Variants in CSMD1 observed in about 807,000 individuals in gnomAD.
The protein encoded by CSMD1 is CUB and Sushi multiple domains 1, also known as CUB and sushi domain-containing protein 1.
In CSMD1, 213 loss-of-function variants were observed where a neutral mutation model predicts 417.5. The observed-to-expected ratio is 0.51, with a 90% CI of 0.46 to 0.57. The LOEUF (loss-of-function observed/expected upper bound fraction) is 0.57. Ranked by LOEUF, CSMD1 falls within the 20% of genes least tolerant of loss-of-function variation. CSMD1 has a pLI of 0.00. For synonymous variants in CSMD1, 2,862 were observed against 1,736.8 expected (o/e 1.65, Z -16.11); for missense variants, 6,923 against 4,529.7 (o/e 1.53, Z -15.17).
At chr8:4,690,501 T>C (rs1324216644) in intron 1 of CSMD1, among the ~76,000 whole-genome samples, 2 of 152,334 alleles carry the variant, frequency 1.3e-5, no homozygotes, top group East Asian at 1.9e-4. Flanking sequence ...ATATAAATTA[T>C]GATATTTGAG....
At chr8:3,649,876 A>AT (rs1192044900) in intron 7 of CSMD1, among the ~76,000 whole-genome samples, 2 of 152,296 alleles carry the variant, frequency 1.3e-5, no homozygotes, top group East Asian at 1.9e-4. Context: ...CTATGTACAC[A>AT]TTTTTTTGAA....
At chr8:3,584,915 T>A (rs1800533096) in intron 9 of CSMD1, among the ~76,000 whole-genome samples, 1 of 152,022 alleles carries the variant, frequency 6.6e-6, no homozygotes, top group Admixed American at 6.5e-5. Context: ...TGCTTAAGGG[T>A]CTTATGTTAG....
rs1311717575 is a variant in CSMD1, at chr8:4,022,673, T to C, written c.610+9232A>G. Among the ~76,000 whole-genome samples the C allele has an allele frequency of 3.3e-5, 5 of 152,024 alleles. No individual in the cohort carries two copies. The South Asian group carries it at 8.3e-4, about 25-fold the overall frequency. On this transcript the variant is annotated intron_variant, in intron 4 of 69. Transcript: ENST00000635120. ...CGCTCAGGGAGAGAAATGTGGTAGA[T>C]TTGGGGGAAATGAAGGCAAGTGGGA...
intron 1 of CSMD1, among the ~76,000 whole-genome samples, chr8:4,883,442 T>G (rs941077224): frequency 6.6e-6 from 1 of 152,134 alleles, no homozygotes; most frequent in African/African-American, 2.4e-5. Flanking sequence ...TGAACATTTT[T>G]ATCATCCCAA....
chr8:3,417,202 G>C (rs1383154411), intron 12 of CSMD1, among the ~76,000 whole-genome samples: 1 of 152,140 alleles, frequency 6.6e-6, no homozygotes, highest in East Asian at 1.9e-4. Flanking sequence ...TCACAAAATA[G>C]ATGTACTATG....
At chr8:3,295,386 A>G (rs373811803) in intron 25 of CSMD1, among the ~76,000 whole-genome samples, 9 of 152,234 alleles carry the variant, frequency 5.9e-5, no homozygotes, top group African/African-American at 2.2e-4. Flanking sequence ...TCGGCCTCCC[A>G]AAGTGCTGGG....
intron 1 of CSMD1, among the ~76,000 whole-genome samples, chr8:4,832,595 A>G (rs977345632): frequency 6.6e-6 from 1 of 152,194 alleles, no homozygotes; most frequent in African/African-American, 2.4e-5. Flanking sequence ...TAAAATTATT[A>G]CTAGCTGACA....
chr8:3,091,554 T>C lies in CSMD1; in HGVS notation c.7247A>G (p.His2416Arg), dbSNP rs1213775902. 2.5e-6 allele frequency: 4 copies of C among 1,608,722 alleles called. No individual in the cohort carries two copies. The highest frequency in any genetic ancestry group is 3.4e-6 in the Non-Finnish European group (4 of 1,178,838). The change falls in exon 48 of 70, where the codon CAT becomes CGT. Residue 2416 changes from histidine to arginine, a missense_variant. Coordinates refer to ENST00000635120, the MANE Select transcript of CSMD1 (RefSeq NM_033225.6). ...CTTGAATCCTTTCTTACTGGTGGCA[T>C]GGTCAGTGGACCAGCGGAGATATAA... ...NQLYLRWSTD[H>R]ATSKKGFKIR...
intron 3 of CSMD1, among the ~76,000 whole-genome samples, chr8:4,313,589 C>A (rs182718119): frequency 4.0e-5 from 6 of 151,206 alleles, no homozygotes; most frequent in African/African-American, 1.5e-4. Context: ...TTGGAATTAA[C>A]TGTCAATGTG....
At chr8:3,307,363 C>T (rs1804954666) in intron 25 of CSMD1, among the ~76,000 whole-genome samples, 1 of 152,060 alleles carries the variant, frequency 6.6e-6, no homozygotes, top group South Asian at 2.1e-4. Context: ...CTGCTCATCC[C>T]CAGGCAGTCT....
intron 1 of CSMD1, among the ~76,000 whole-genome samples, chr8:4,872,952 T>C (rs968604850): frequency 2.0e-5 from 3 of 152,142 alleles, no homozygotes; most frequent in African/African-American, 7.2e-5. Flanking sequence ...TATTGAAGTA[T>C]GACTGGCAAA....
At chr8:3,254,155 A>C (rs1386723509) in intron 26 of CSMD1, among the ~76,000 whole-genome samples, 4 of 152,124 alleles carry the variant, frequency 2.6e-5, no homozygotes, top group Non-Finnish European at 5.9e-5. Flanking sequence ...GCCGGATATG[A>C]AATTCTGGGT....
chr8:4,339,676 CCAAA>C (rs775383536), intron 3 of CSMD1, among the ~76,000 whole-genome samples: 9 of 152,030 alleles, frequency 5.9e-5, no homozygotes, highest in East Asian at 1.9e-4. Flanking sequence ...GTTTGGATGG[CCAAA>C]CAGTTTCCAG....
At chr8:3,524,244 C>A (rs988955337) in intron 10 of CSMD1, among the ~76,000 whole-genome samples, 4 of 151,310 alleles carry the variant, frequency 2.6e-5, no homozygotes, top group African/African-American at 9.7e-5. Flanking sequence ...CACATACACA[C>A]CCAGAGACAT....
chr8:4,209,197 G>A (rs372864075), intron 3 of CSMD1, among the ~76,000 whole-genome samples: 12 of 151,994 alleles, frequency 7.9e-5, no homozygotes, highest in Admixed American at 2.0e-4. Context: ...TGGCTTTATC[G>A]CTCACCTTTT....
At chr8:4,338,513 C>G (rs13266349) in intron 3 of CSMD1, among the ~76,000 whole-genome samples, 31,051 of 152,020 alleles carry the variant, frequency 0.2, 3,718 homozygotes, top group African/African-American at 0.33. Flanking sequence ...TTTGTACCTT[C>G]AAAGTTCTTC....
rs563855293 is a variant in CSMD1 at position 3,442,783 on chromosome 8, C to A, written c.1561+25929G>T. 2.6e-5 allele frequency among the ~76,000 whole-genome samples: 4 copies of A among 152,178 alleles called. No individual in the cohort carries two copies. In the South Asian group the frequency reaches 8.3e-4, roughly 32 times the overall value. ...TATATATTTGAATTCTATTTGCTAC[C>A]ATTAAGAATTTTTGTGTCTATATTT... On this transcript the variant is annotated intron_variant, in intron 12 of 69. Transcript: ENST00000635120.
chr8:3,849,842 G>C (rs1027148110), intron 5 of CSMD1, among the ~76,000 whole-genome samples: 1 of 152,140 alleles, frequency 6.6e-6, no homozygotes, highest in African/African-American at 2.4e-5. Flanking sequence ...TTGTGATGGA[G>C]TCTCGCTCTG....
intron 8 of CSMD1, among the ~76,000 whole-genome samples, chr8:3,599,583 T>G (rs985350599): frequency 6.6e-6 from 1 of 152,188 alleles, no homozygotes; most frequent in Non-Finnish European, 1.5e-5. Flanking sequence ...GCATTATTAA[T>G]CACAATACAG....
Sources: allele counts gnomAD v4.1 joint callset (sites outside exome capture counted in the v4.1 genomes callset), GRCh38; gene constraint gnomAD v4.1.1; transcripts MANE v1.5; gene names NCBI Gene and HGNC (gene_info 2026-07-23, HGNC 2026-07-21).